VPS13B: variants seen among roughly 807,000 people sequenced by gnomAD.
VPS13B encodes the protein intermembrane lipid transfer protein VPS13B.
In VPS13B, 285 loss-of-function variants were observed where a neutral mutation model predicts 426.4. That is an observed-to-expected ratio of 0.67 (90% CI 0.61 to 0.74). VPS13B has a LOEUF of 0.74. Among genes scored for constraint, VPS13B ranks in the 30% least tolerant of loss-of-function variants. VPS13B has a pLI of 0.00. For synonymous variants in VPS13B, 1,676 were observed against 1,676.4 expected, an observed-to-expected ratio of 1.00 and a Z score of 0.01; for missense variants, 4,537 against 4,782.6, an observed-to-expected ratio of 0.95 and a Z score of 1.51.
intron 61 of VPS13B, 185 bp from the exon 62 acceptor site, chr8:99,875,233 A>C: frequency 1.2e-6 from 1 of 802,994 alleles, no homozygotes; most frequent in Non-Finnish European, 2.0e-6. Context: ...TTTCAGTTAT[A>C]CTGCTAAAAC....
intron 54 of VPS13B, among the ~76,000 whole-genome samples, chr8:99,839,936 C>G: frequency 6.6e-6 from 1 of 152,198 alleles, no homozygotes; most frequent in East Asian, 1.9e-4. Context: ...TTTATTTCCC[C>G]TCAAATACAG....
intron 22 of VPS13B, among the ~76,000 whole-genome samples, chr8:99,439,575 A>T (rs1311731245): frequency 6.6e-6 from 1 of 152,128 alleles, no homozygotes; most frequent in Non-Finnish European, 1.5e-5. Flanking sequence ...TATATAGAGA[A>T]CATTTGGTAC....
At position 99,249,580 on chromosome 8, in the gene VPS13B, C is replaced by T. The variant is rs569465143; in HGVS notation, c.2516-24618C>T. ...CTGGGACTACAGACACCCGCCACCA[C>T]GCCCGGCTAATTTTTTGCACTTTTA... On this transcript the variant is annotated intron_variant, in intron 17 of 61. Transcript: ENST00000357162. 2.6e-5 allele frequency among the ~76,000 whole-genome samples: 4 copies of T among 152,140 alleles called. No individual in the cohort carries two copies. The South Asian group carries it at 6.2e-4, about 24-fold the overall frequency.
rs60905505 is a variant in VPS13B, at chr8:99,174,124, C to T, written c.2333+3961C>T. ...TAGCATAATGTTTTCAAGATTAATC[C>T]GTGTTGCAGCATGTAGCAGAATTTC... On this transcript the variant is annotated intron_variant, in intron 16 of 61. Transcript: ENST00000357162. Among the ~76,000 whole-genome samples the T allele has an allele frequency of 9.0e-3, 1,375 of 152,138 alleles. 28 individuals are homozygous for T. Among genetic ancestry groups the T allele is most frequent in the African/African-American group, 0.032 (1,319 of 41,496 alleles).
At chr8:99,733,766 A>G (rs1293469700) in intron 39 of VPS13B, among the ~76,000 whole-genome samples, 1 of 152,174 alleles carries the variant, frequency 6.6e-6, no homozygotes, top group Non-Finnish European at 1.5e-5. Context: ...AAACTTTATT[A>G]CCTTAGATGT....
At chr8:99,649,873 C>A (rs1829738003) in intron 34 of VPS13B, among the ~76,000 whole-genome samples, 1 of 152,138 alleles carries the variant, frequency 6.6e-6, no homozygotes, top group African/African-American at 2.4e-5. Context: ...AAAGAAGACA[C>A]AAAACAACAT....
chr8:99,435,489 C>T lies in VPS13B; in HGVS notation c.3210+3825C>T, dbSNP rs554871777. Among the ~76,000 whole-genome samples the T allele has an allele frequency of 2.0e-5, 3 of 152,160 alleles. No individual in the cohort carries two copies. In the East Asian group the frequency reaches 5.8e-4, roughly 29 times the overall value. Reference sequence around the variant, plus strand: ...CCAAGTAATATCAGAAATCTTTGCACTATCGATAAACAAGTAGGTACATCA... The same window carrying T: ...CCAAGTAATATCAGAAATCTTTGCATTATCGATAAACAAGTAGGTACATCA... On this transcript the variant is annotated intron_variant, in intron 22 of 61. Coordinates refer to ENST00000357162, the MANE Select transcript of VPS13B (RefSeq NM_152564.5).
intron 4 of VPS13B, among the ~76,000 whole-genome samples, chr8:99,101,361 T>C (rs1224455891): frequency 1.3e-5 from 2 of 152,282 alleles, no homozygotes; most frequent in East Asian, 3.9e-4. Flanking sequence ...CTCCATCTTT[T>C]GACCTTGTGA....
At chr8:99,743,395 G>T (rs984038076) in intron 39 of VPS13B, among the ~76,000 whole-genome samples, 54 of 151,906 alleles carry the variant, frequency 3.6e-4, no homozygotes, top group African/African-American at 1.2e-3. Flanking sequence ...TGGCCATACT[G>T]CCCAAGGTAA....
At chr8:99,074,321 T>G (rs1845000979) in intron 3 of VPS13B, among the ~76,000 whole-genome samples, 1 of 152,114 alleles carries the variant, frequency 6.6e-6, no homozygotes, top group African/African-American at 2.4e-5. Context: ...ATCATATGGT[T>G]TTTGTCTTGA....
intron 19 of VPS13B, among the ~76,000 whole-genome samples, chr8:99,318,828 A>G (rs1809821399): frequency 6.6e-6 from 1 of 152,040 alleles, no homozygotes; most frequent in African/African-American, 2.4e-5. Flanking sequence ...CCCTACATGA[A>G]TTTCTTTATG....
At chr8:99,239,701 A>G (rs1388729139) in intron 17 of VPS13B, among the ~76,000 whole-genome samples, 1 of 152,082 alleles carries the variant, frequency 6.6e-6, no homozygotes, top group African/African-American at 2.4e-5. Context: ...AGTCAATCTA[A>G]AGCATCTAAG....
intron 23 of VPS13B, among the ~76,000 whole-genome samples, chr8:99,463,211 A>T (rs988951217): frequency 6.6e-6 from 1 of 152,214 alleles, no homozygotes; most frequent in Non-Finnish European, 1.5e-5. Flanking sequence ...TTCTTTTAAA[A>T]GCAGTGATTA....
intron 8 of VPS13B, 178 bp downstream of exon 8, chr8:99,121,623 A>G (rs1847937718): frequency 3.5e-6 from 5 of 1,415,956 alleles, no homozygotes; most frequent in Non-Finnish European, 4.6e-6. Flanking sequence ...TTGAATTCTG[A>G]TCCCTTCCTG....
At chr8:99,327,581 G>A (rs1810341320) in intron 19 of VPS13B, among the ~76,000 whole-genome samples, 1 of 152,026 alleles carries the variant, frequency 6.6e-6, no homozygotes, top group South Asian at 2.1e-4. Context: ...TTACAGGCAA[G>A]AGACTAGAGA....
chr8:99,040,698 A>G lies in VPS13B; in HGVS notation c.291+2132A>G, dbSNP rs1269112317. Among the ~76,000 whole-genome samples, 6 of 152,116 alleles carry G rather than the reference A, an allele frequency of 3.9e-5. No individual in the cohort carries two copies. In the East Asian group the frequency reaches 5.8e-4, roughly 15 times the overall value. ...TAGAATCACCACGAAGAAAAGACGTATTTTCTAAATAAAATTGTGGTTGGA... is the reference window on the plus strand; with the variant it reads ...TAGAATCACCACGAAGAAAAGACGTGTTTTCTAAATAAAATTGTGGTTGGA... On this transcript the variant is annotated intron_variant, in intron 3 of 61. Transcript: ENST00000357162.
intron 33 of VPS13B, among the ~76,000 whole-genome samples, chr8:99,630,372 A>G (rs2133909502): frequency 6.6e-6 from 1 of 152,074 alleles, no homozygotes; most frequent in Admixed American, 6.6e-5. Flanking sequence ...TGTTTCCCTA[A>G]GCCTCATTGT....
At chr8:99,170,545 C>T (rs563176334) in intron 16 of VPS13B, among the ~76,000 whole-genome samples, 231 of 151,550 alleles carry the variant, frequency 1.5e-3, no homozygotes, top group Non-Finnish European at 2.7e-3. Context: ...ATAATAATTT[C>T]GTATATATTC....
intron 19 of VPS13B, among the ~76,000 whole-genome samples, chr8:99,334,203 G>A (rs1458211624): frequency 6.6e-6 from 1 of 151,944 alleles, no homozygotes; most frequent in Non-Finnish European, 1.5e-5. Context: ...GTTACAATGA[G>A]AATGACATTG....
Sources: gnomAD v4.1 joint callset for allele counts (sites outside exome capture counted in the v4.1 genomes callset) on GRCh38, gnomAD v4.1.1 for gene constraint, MANE v1.5 for transcripts, NCBI Gene and HGNC (gene_info 2026-07-23, HGNC 2026-07-21) for gene names.